Variants in EEF1A1 observed in about 807,000 individuals in gnomAD.
EEF1A1 encodes the protein eukaryotic translation elongation factor 1 alpha 1, also known as elongation factor 1-alpha 1.
In EEF1A1, 1 loss-of-function variant was observed where a neutral mutation model predicts 38.5. The observed-to-expected ratio is 0.03, with a 90% CI of 0.01 to 0.12. The LOEUF (loss-of-function observed/expected upper bound fraction) is 0.12, where lower values mean the gene tolerates loss of function less well. Among genes scored for constraint, EEF1A1 ranks in the 10% least tolerant of loss-of-function variants. EEF1A1 has a pLI of 1.00. For synonymous variants in EEF1A1, 229 were observed against 203.7 expected, an observed-to-expected ratio of 1.12 and a Z score of -1.06; for missense variants, 184 against 588.3, an observed-to-expected ratio of 0.31 and a Z score of 7.11.
In EEF1A1 at chr6:73,518,554, C is replaced by T; in HGVS notation, c.829G>A (p.Val277Met). 10 of 1,613,894 alleles carry T rather than the reference C, an allele frequency of 6.2e-6. No homozygotes were observed. Among genetic ancestry groups the T allele is most frequent in the Non-Finnish European group, 8.5e-6 (10 of 1,179,806 alleles). Residue 277 changes from valine (V) to methionine (M), a missense_variant, in exon 6 of 8, where the codon GTG (valine) becomes ATG (methionine). Transcript: ENST00000309268. The stretch of plus-strand genomic sequence containing the variant: ...ACGTTGACTGGAGCAAAGGTGACCA[C>T]CATACCGGGTTTGAGAACACCAGTC... Reference protein sequence around the residue: ...VETGVLKPGMVVTFAPVNVTT... With the variant: ...VETGVLKPGMMVTFAPVNVTT...
intron 7 of EEF1A1, 26 bp from the exon 8 acceptor site, chr6:73,517,960 C>T (rs1486871586): frequency 1.9e-6 from 3 of 1,613,770 alleles, no homozygotes; most frequent in African/African-American, 2.7e-5. Flanking sequence ...TTAATTATTA[C>T]CCAAAGTACT....
chr6:73,515,879 A>T lies in EEF1A1; in HGVS notation c.*1931T>A, dbSNP rs1765502584. The stretch of plus-strand genomic sequence containing the variant: ...AATCTCAATCTCAGTATATGCAAGT[A>T]AACTGACTCATTCCTGCTTCCAGTG... On this transcript the variant is annotated 3_prime_UTR_variant, in exon 8 of 8. Transcript: ENST00000309268. 6.6e-6 allele frequency: 1 copy of T among 152,244 alleles called. No individual in the cohort carries two copies. Among genetic ancestry groups the T allele is most frequent in the Non-Finnish European group, 1.5e-5 (1 of 68,050 alleles). 9.4% of individuals were successfully genotyped at this position (152,244 alleles called of 1,614,324 possible).
In EEF1A1 at chr6:73,519,358, G is replaced by A. The variant is rs11550851; in HGVS notation, c.303C>T (p.Asn101=). ...DAPGHRDFIK[N]MITGTSQADC... The stretch of plus-strand genomic sequence containing the variant: ...CAACCTGAGATGTCCCTGTAATCAT[G>A]TTTTTGATAAAGTCTCTGTGTCCTG... The change falls in exon 3 of 8, where the codon AAC becomes AAT. Residue 101 remains asparagine (N), a synonymous_variant. Coordinates refer to ENST00000309268, the MANE Select transcript of EEF1A1 (RefSeq NM_001402.6). 3 of 1,612,896 alleles carry A rather than the reference G, an allele frequency of 1.9e-6. No individual in the cohort carries two copies. Among genetic ancestry groups the A allele is most frequent in the East Asian group, 2.2e-5 (1 of 44,876 alleles).
At chr6:73,520,087 TGTCTGA>T (rs1765614405) in intron 1 of EEF1A1, 31 bp from the exon 2 acceptor site, 2 of 1,550,474 alleles carry the variant, frequency 1.3e-6, no homozygotes, top group Non-Finnish European at 1.7e-6. Flanking sequence ...TTTGAACCAC[TGTCTGA>T]GGCTTGAGAA....
In EEF1A1 at chr6:73,516,101, A is replaced by C. The variant is rs1424780657; in HGVS notation, c.*1709T>G. The C allele has an allele frequency of 6.6e-6, 1 of 152,238 alleles. No homozygotes were observed. The highest frequency in any genetic ancestry group is 1.5e-5 in the Non-Finnish European group (1 of 68,034). 9.4% of individuals were successfully genotyped at this position (152,238 alleles called of 1,614,324 possible). On this transcript the variant is annotated 3_prime_UTR_variant, in exon 8 of 8. Coordinates refer to ENST00000309268, the MANE Select transcript of EEF1A1 (RefSeq NM_001402.6). ...AGATAGCAAAGAAACTAAGGACAAA[A>C]ATCTCTAGTTCAATTTAGACTTGAT...
intron 1 of EEF1A1, chr6:73,520,260 A>T (rs1765621415): frequency 4.1e-6 from 2 of 493,084 alleles, no homozygotes; most frequent in Non-Finnish European, 7.0e-6. Flanking sequence ...CAAAAGCTCG[A>T]GAACTAATCG....
intron 2 of EEF1A1, 96 bp from the exon 3 acceptor site, chr6:73,519,612 A>C: frequency 7.3e-7 from 1 of 1,369,628 alleles, no homozygotes; most frequent in East Asian, 2.3e-5. Context: ...TCCACTTTAC[A>C]ACTCCAAGTC....
At chr6:73,518,656 A>C (rs1438028996) in intron 5 of EEF1A1, 42 bp downstream of exon 5, 2 of 1,613,116 alleles carry the variant, frequency 1.2e-6, no homozygotes, top group South Asian at 2.2e-5. Flanking sequence ...GGCAGACAGT[A>C]CTCTATCAAC....
chr6:73,518,659 C>T, intron 5 of EEF1A1, 39 bp downstream of exon 5: 1 of 1,613,192 alleles, frequency 6.2e-7, no homozygotes, highest in East Asian at 2.2e-5. Flanking sequence ...AGACAGTACT[C>T]TATCAACTCA....
rs749018166 is a variant in EEF1A1 at position 73,516,211 on chromosome 6, G to A, written c.*1599C>T. ...AACGATAACACTTCATTACAGACTT[G>A]TCTATGGCCAATTCAAGTACCTTTG... On this transcript the variant is annotated 3_prime_UTR_variant, in exon 8 of 8. Transcript: ENST00000309268. 6.6e-6 allele frequency: 1 copy of A among 152,106 alleles called. No homozygotes were observed. Among genetic ancestry groups the A allele is most frequent in the Non-Finnish European group, 1.5e-5 (1 of 68,046 alleles). The allele number at this position is 152,106 out of a possible 1,614,324, so 9.4% of individuals were successfully genotyped here.
chr6:73,519,126 G>A lies in EEF1A1; in HGVS notation c.427C>T (p.Leu143=), dbSNP rs1307495368. Residue 143 remains leucine (L), a synonymous_variant, in exon 4 of 8, where the codon CTG becomes TTG. Transcript: ENST00000309268. ...CCGACAATTAGTTGTTTCACACCCA[G>A]TGTGTAAGCCAGAAGGGCATGCTCT... ...TREHALLAYT[L]GVKQLIVGVN... 4.4e-6 allele frequency: 7 copies of A among 1,599,010 alleles called. No individual in the cohort carries two copies. In the African/African-American group the frequency reaches 6.7e-5, roughly 15 times the overall value.
intron 2 of EEF1A1, 115 bp downstream of exon 2, chr6:73,519,768 T>C (rs1582715022): frequency 6.9e-7 from 1 of 1,455,190 alleles, no homozygotes; most frequent in Non-Finnish European, 9.3e-7. Flanking sequence ...ATAAGTAAGG[T>C]CTTAACTATT....
In EEF1A1 at chr6:73,519,102, C is replaced by T. The variant is rs775930383; in HGVS notation, c.451G>A (p.Gly151Ser). 7 of 1,601,296 alleles carry T rather than the reference C, an allele frequency of 4.4e-6. No individual in the cohort carries two copies. Among genetic ancestry groups the T allele is most frequent in the East Asian group, 4.5e-5 (2 of 44,774 alleles). The part of the protein sequence containing the change: ...YTLGVKQLIV[G>S]VNKMDSTEPP... ...TCAGTGGAATCCATTTTGTTAACAC[C>T]GACAATTAGTTGTTTCACACCCAGT... The change falls in exon 4 of 8, where the codon GGT becomes AGT. Residue 151 changes from glycine (G) to serine (S), a missense_variant. Transcript: ENST00000309268.
At position 73,518,822 on chromosome 6, in the gene EEF1A1, G is replaced by T. The variant is rs774951848; in HGVS notation, c.648C>A (p.Val216=). The T allele has an allele frequency of 6.2e-7, 1 of 1,614,040 alleles. No homozygotes were observed. The highest frequency in any genetic ancestry group is 8.5e-7 in the Non-Finnish European group (1 of 1,179,956). Residue 216 remains valine (V), a synonymous_variant, in exon 5 of 8, where the codon GTC becomes GTA. Transcript: ENST00000309268. ...CACTGGCATTGCCATCCTTACGGGTGACTTTCCATCCCTTGAACCAAGGCA... is the reference window on the plus strand; with the variant it reads ...CACTGGCATTGCCATCCTTACGGGTTACTTTCCATCCCTTGAACCAAGGCA... ...ANMPWFKGWK[V]TRKDGNASGT... is the part of the protein sequence containing the mutation.
At position 73,519,886 on chromosome 6, in the gene EEF1A1, A is replaced by G. The variant is rs1261861812; in HGVS notation, c.141T>C (p.Ala47=). The change falls in exon 2 of 8, where the codon GCT becomes GCC. Residue 47 remains alanine (A), a synonymous_variant. Transcript: ENST00000309268. ...RTIEKFEKEA[A]EMGKGSFKYA... is the part of the protein sequence containing the mutation. ...CCCTTTCTGGTATTAAACATACCTC[A>G]GCAGCCTCCTTCTCAAATTTTTCAA... 3 of 1,613,136 alleles carry G rather than the reference A, an allele frequency of 1.9e-6. No individual in the cohort carries two copies. Among genetic ancestry groups the G allele is most frequent in the East Asian group, 4.5e-5 (2 of 44,888 alleles).
rs1455665738 is a variant in EEF1A1, at chr6:73,518,182, T to C, written c.1112A>G (p.Lys371Arg). ...LDCHTAHIAC[K>R]FAELKEKIDR... ...AATCTTTTCCTTCAGCTCAGCAAACTTGCATGCAATGTGAGCCGTGTGGCA... is the reference window on the plus strand; with the variant it reads ...AATCTTTTCCTTCAGCTCAGCAAACCTGCATGCAATGTGAGCCGTGTGGCA... The change falls in exon 7 of 8, where the codon AAG becomes AGG. Residue 371 changes from lysine (K) to arginine (R), a missense_variant. By Grantham distance (26) the Lys-to-Arg change is conservative (BLOSUM62 2). Transcript: ENST00000309268. 8 of 1,613,706 alleles carry C rather than the reference T, an allele frequency of 5.0e-6. No individual in the cohort carries two copies. The highest frequency in any genetic ancestry group is 2.2e-5 in the East Asian group (1 of 44,874).
Position 73,515,999 on chromosome 6 carries a change from A to G in EEF1A1, c.*1811T>C, listed in dbSNP as rs1765505039. The G allele has an allele frequency of 6.6e-6, 1 of 152,170 alleles. No individual in the cohort carries two copies. Among genetic ancestry groups the G allele is most frequent in the African/African-American group, 2.4e-5 (1 of 41,398 alleles). 9.4% of individuals were successfully genotyped at this position (152,170 alleles called of 1,614,324 possible). A position where few individuals can be genotyped will look rare whatever the true frequency, so the allele number is the denominator to read the frequency against. ...GTCAACTTTCATTATCAGGGCATCT[A>G]TTGGCCATCTATTAAAGGCCTTACC... On this transcript the variant is annotated 3_prime_UTR_variant, in exon 8 of 8. Coordinates refer to ENST00000309268, the MANE Select transcript of EEF1A1 (RefSeq NM_001402.6).
Position 73,518,825 on chromosome 6 carries a change from T to A in EEF1A1, c.645A>T (p.Lys215Asn). 1 of 1,614,004 alleles carries A rather than the reference T, an allele frequency of 6.2e-7. No homozygotes were observed. The highest frequency in any genetic ancestry group is 8.5e-7 in the Non-Finnish European group (1 of 1,179,882). ...SANMPWFKGWKVTRKDGNASG... is the reference protein window; with the variant it reads ...SANMPWFKGWNVTRKDGNASG... The stretch of plus-strand genomic sequence containing the variant: ...TGGCATTGCCATCCTTACGGGTGAC[T>A]TTCCATCCCTTGAACCAAGGCATCT... The change falls in exon 5 of 8, where the codon AAA (lysine) becomes AAT (asparagine). Residue 215 changes from lysine (K) to asparagine (N), a missense_variant. Lys to Asn is a moderately conservative substitution (Grantham distance 94). Transcript: ENST00000309268.
At position 73,518,919 on chromosome 6, in the gene EEF1A1, G is replaced by GA; in HGVS notation, c.621+12dup. Reference sequence around the variant, plus strand: ...CCCAGAGCTTTTTAACAATGGTCTTGAAAGCCACTTACGTTAGCACTTGGC... The same window carrying GA: ...CCCAGAGCTTTTTAACAATGGTCTTGAAAAGCCACTTACGTTAGCACTTGGC... On this transcript the variant is annotated intron_variant, in intron 4 of 7. Coordinates refer to ENST00000309268, the MANE Select transcript of EEF1A1 (RefSeq NM_001402.6). 6.2e-7 allele frequency: 1 copy of GA among 1,611,776 alleles called. No homozygotes were observed. The highest frequency in any genetic ancestry group is 8.5e-7 in the Non-Finnish European group (1 of 1,177,970).
Sources: allele counts gnomAD v4.1 joint callset, GRCh38; gene constraint gnomAD v4.1.1; transcripts MANE v1.5; gene names NCBI Gene and HGNC (gene_info 2026-07-23, HGNC 2026-07-21).